BRAT1: variants seen among roughly 807,000 people sequenced by gnomAD.
The protein encoded by BRAT1 is BRCA1 associated ATM activator 1.
A neutral mutation model predicts 70.6 loss-of-function variants in BRAT1; 74 were observed. The observed-to-expected ratio is 1.05, with a 90% confidence interval of 0.87 to 1.27. The LOEUF (loss-of-function observed/expected upper bound fraction) is 1.27. Among genes scored for constraint, BRAT1 ranks in the 50% most tolerant of loss-of-function variants. The pLI is 0.00. For synonymous variants in BRAT1, 615 were observed against 517.1 expected (o/e 1.19, Z -2.57); for missense variants, 1,203 against 1,098.2 (o/e 1.10, Z -1.35).
intron 1 of BRAT1, among the ~76,000 whole-genome samples, chr7:2,555,028 G>A (rs1229561747): frequency 6.6e-6 from 1 of 151,272 alleles, no homozygotes; most frequent in Non-Finnish European, 1.5e-5. Flanking sequence ...AGGGTGAGGA[G>A]GGGAAGGGGC....
Position 2,554,384 on chromosome 7 carries a change from C to G in BRAT1, c.48G>C (p.Leu16=). The change falls in exon 2 of 14, where the codon CTG becomes CTC. Residue 16 remains leucine (L), a synonymous_variant. Coordinates refer to ENST00000340611, the MANE Select transcript of BRAT1 (RefSeq NM_152743.4). ...AQLLPALCAV[L]VDPRQPVADD... ...CTGCCACCGGCTGCCTGGGATCTAC[C>G]AGAACAGCACAGAGAGCCGGGAGCA... 1.9e-6 allele frequency: 3 copies of G among 1,614,008 alleles called. No homozygotes were observed. The highest frequency in any genetic ancestry group is 8.5e-7 in the Non-Finnish European group (1 of 1,179,948).
intron 3 of BRAT1, among the ~76,000 whole-genome samples, chr7:2,545,318 C>T (rs182675093): frequency 1.4e-3 from 191 of 135,410 alleles, no homozygotes; most frequent in Middle Eastern, 0.013. Context: ...GAGCCAAGAT[C>T]GCACCACTGC....
rs1779342996 is a variant in BRAT1, at chr7:2,543,486, C to T, written c.803+104G>A. ...ACCCCGGTGCCGCTTCACTGCAGGC[C>T]ATGTCCTCAGAGAGTCTCCGGCTGC... On this transcript the variant is annotated intron_variant, in intron 5 of 13. Coordinates refer to ENST00000340611, the MANE Select transcript of BRAT1 (RefSeq NM_152743.4). The surrounding 1 kb of genome is among the most constrained non-coding windows in gnomAD (Gnocchi z 5.5). 2 of 1,483,524 alleles carry T rather than the reference C, an allele frequency of 1.3e-6. No homozygotes were observed. Among genetic ancestry groups the T allele is most frequent in the Non-Finnish European group, 1.8e-6 (2 of 1,120,186 alleles). The allele number at this position is 1,483,524 out of a possible 1,614,324, so 91.9% of individuals were successfully genotyped here. A position where few individuals can be genotyped will look rare whatever the true frequency, so the allele number is the denominator to read the frequency against.
At chr7:2,542,544 C>T in intron 6 of BRAT1, 1 of 158,472 alleles carries the variant, frequency 6.3e-6, no homozygotes, top group South Asian at 6.3e-5. Flanking sequence ...AGCGTCCACT[C>T]TGTGGGAGGG....
rs770815553 is a variant in BRAT1, at chr7:2,539,314, C to T, written c.1635G>A (p.Glu545=). 4.3e-6 allele frequency: 7 copies of T among 1,611,644 alleles called. No individual in the cohort carries two copies. The highest frequency in any genetic ancestry group is 4.0e-5 in the African/African-American group (3 of 74,876). ...ADFRCALLAS[E]VPQLALQLLQ... is the part of the protein sequence containing the mutation. ...GGAGCTGCAGGGCCAGCTGAGGCAC[C>T]TCTGAAGCCAAGAGTGCGCATCTGA... Residue 545 remains glutamate (E), a synonymous_variant, in exon 13 of 14, where the codon GAG becomes GAA. Transcript: ENST00000340611.
intron 10 of BRAT1, chr7:2,540,337 T>G: frequency 6.3e-6 from 1 of 159,118 alleles, no homozygotes; most frequent in Non-Finnish European, 1.4e-5. Context: ...CAACGCACAG[T>G]AATCACAGCT....
chr7:2,539,730 G>A, intron 11 of BRAT1, 56 bp downstream of exon 11: 11 of 1,558,658 alleles, frequency 7.1e-6, no homozygotes, highest in South Asian at 1.2e-5. Context: ...CCCAGCCCCT[G>A]CTGCCTCCAC....
chr7:2,554,232 G>A (rs1334186077), intron 2 of BRAT1, 73 bp downstream of exon 2: 7 of 1,570,726 alleles, frequency 4.5e-6, no homozygotes, highest in Non-Finnish European at 6.1e-6. Flanking sequence ...GTCCCCATCT[G>A]GCCCCTGCTC....
intron 2 of BRAT1, among the ~76,000 whole-genome samples, chr7:2,553,522 C>G (rs943248736): frequency 8.6e-6 from 1 of 116,796 alleles, no homozygotes; most frequent in Non-Finnish European, 1.7e-5. Flanking sequence ...AGTATGACCT[C>G]ATTTTTTTTT....
chr7:2,540,995 G>A lies in BRAT1; in HGVS notation c.1379C>T (p.Pro460Leu), dbSNP rs576018597. The A allele has an allele frequency of 1.9e-5, 29 of 1,553,850 alleles. No homozygotes were observed. In the South Asian group the frequency reaches 3.0e-4, roughly 16 times the overall value. ...CCACCGTACCGTGGGGCTGGAGCCGGGGCTCTCGAGGCACTCCAGGAGGAC... is the reference window on the plus strand; with the variant it reads ...CCACCGTACCGTGGGGCTGGAGCCGAGGCTCTCGAGGCACTCCAGGAGGAC... ...LAVLLECLES[P>L]GSSPTVLKKA... Residue 460 changes from proline (P) to leucine (L), a missense_variant, in exon 10 of 14, where the codon CCC becomes CTC. Physicochemically the swap from Pro to Leu is moderately conservative, Grantham distance 98. Transcript: ENST00000340611.
rs575570226 is a variant in BRAT1 at position 2,543,283 on chromosome 7, T to A, written c.844A>T (p.Thr282Ser). ...FSSSDGSLWE[T>S]VARALSCLGP... ...AGGCAGCTCAGAGCCCGCGCCACTG[T>A]CTCCCACAGGCTGCCGTCGGAAGAA... Residue 282 changes from threonine to serine, a missense_variant, in exon 6 of 14, where the codon ACA becomes TCA. Coordinates refer to ENST00000340611, the MANE Select transcript of BRAT1 (RefSeq NM_152743.4). The surrounding 1 kb of genome is among the most constrained non-coding windows in gnomAD (Gnocchi z 5.5). 7 of 1,609,730 alleles carry A rather than the reference T, an allele frequency of 4.3e-6. No individual in the cohort carries two copies. In the South Asian group the frequency reaches 6.6e-5, roughly 15 times the overall value.
In BRAT1 at chr7:2,538,724, G is replaced by C. The variant is rs764013096; in HGVS notation, c.1811C>G (p.Ser604Trp). The C allele has an allele frequency of 1.3e-6, 2 of 1,598,442 alleles. No homozygotes were observed. The highest frequency in any genetic ancestry group is 1.3e-5 in the African/African-American group (1 of 75,062). The change falls in exon 14 of 14, where the codon TCG becomes TGG. Residue 604 changes from serine (S) to tryptophan (W), a missense_variant. Ser to Trp is a radical substitution (Grantham distance 177). Transcript: ENST00000340611. Reference protein sequence around the residue: ...LELLHILSVDSEGFPRRAVMQ... With the variant: ...LELLHILSVDWEGFPRRAVMQ... ...GACCGCCCGCCGTGGGAAGCCCTCC[G>C]AGTCTACGGAGAGGATGTGCAGGAG...
In BRAT1 at chr7:2,543,327, C is replaced by T. The variant is rs1294766943; in HGVS notation, c.804-4G>A. On this transcript the variant is annotated splice_region_variant and splice_polypyrimidine_tract_variant and intron_variant, in intron 5 of 13. Coordinates refer to ENST00000340611, the MANE Select transcript of BRAT1 (RefSeq NM_152743.4). This position sits in a 1 kb window ranked among gnomAD's most constrained non-coding sequence, Gnocchi z 5.5. ...GGAAGAACTGAACACGGGAGAACTG[C>T]AGGGAGACCCCAGAGAGAAAAATTA... The T allele has an allele frequency of 1.9e-6, 3 of 1,587,386 alleles. No individual in the cohort carries two copies. The African/African-American group carries it at 4.1e-5, about 22-fold the overall frequency.
At chr7:2,539,708 T>G in intron 11 of BRAT1, 66 bp from the exon 12 acceptor site, 2 of 1,552,778 alleles carry the variant, frequency 1.3e-6, no homozygotes, top group South Asian at 1.2e-5. Flanking sequence ...CAGAGCCAGC[T>G]GAGCCATTCC....
In BRAT1 at chr7:2,543,901, G is replaced by A. The variant is rs375295992; in HGVS notation, c.492C>T (p.Ala164=). Residue 164 remains alanine (A), a synonymous_variant, in exon 5 of 14, where the codon GCC becomes GCT. Transcript: ENST00000340611. This position sits in a 1 kb window ranked among gnomAD's most constrained non-coding sequence, Gnocchi z 5.5. The part of the protein sequence containing the change: ...GDSSLFVASA[A]SQLLVHVLAL... ...CCAGGACGTGCACCAGGAGCTGACTGGCCGCCGAGGCCACAAACAGGCTGG... is the reference window on the plus strand; with the variant it reads ...CCAGGACGTGCACCAGGAGCTGACTAGCCGCCGAGGCCACAAACAGGCTGG... The A allele has an allele frequency of 4.4e-6, 7 of 1,607,512 alleles. No individual in the cohort carries two copies. Among genetic ancestry groups the A allele is most frequent in the Non-Finnish European group, 6.0e-6 (7 of 1,176,106 alleles).
intron 2 of BRAT1, among the ~76,000 whole-genome samples, chr7:2,552,119 T>A (rs1334406981): frequency 3.2e-5 from 3 of 93,046 alleles, no homozygotes; most frequent in Non-Finnish European, 4.6e-5. Flanking sequence ...TTTTTTTTTT[T>A]TTTTTTTTTT....
At chr7:2,547,542 C>T (rs1435568731) in intron 2 of BRAT1, 64 bp from the exon 3 acceptor site, 20 of 1,551,380 alleles carry the variant, frequency 1.3e-5, no homozygotes, top group East Asian at 4.5e-5. Context: ...CCTGGATGAC[C>T]GCTCTTCTCC....
intron 8 of BRAT1, 48 bp from the exon 9 acceptor site, chr7:2,541,532 G>A (rs781647963): frequency 2.3e-5 from 34 of 1,502,166 alleles, no homozygotes; most frequent in South Asian, 1.4e-4. Flanking sequence ...CACTGCCGGC[G>A]TGGATGCAGG....
At chr7:2,555,252 C>T (rs968136669) in intron 1 of BRAT1, among the ~76,000 whole-genome samples, 3 of 152,120 alleles carry the variant, frequency 2.0e-5, no homozygotes, top group African/African-American at 7.2e-5. Flanking sequence ...AAGGCTGCGT[C>T]CCGGGAAGAG....
Sources: allele counts gnomAD v4.1 joint callset (sites outside exome capture counted in the v4.1 genomes callset), GRCh38; gene constraint gnomAD v4.1.1; non-coding constraint Gnocchi (gnomAD v3.1); transcripts MANE v1.5; gene names NCBI Gene and HGNC (gene_info 2026-07-23, HGNC 2026-07-21).